MAGI2: variants seen among roughly 807,000 people sequenced by gnomAD.
MAGI2 encodes the protein membrane associated guanylate kinase, WW and PDZ domain containing 2.
In MAGI2, 35 loss-of-function variants were observed where a neutral mutation model predicts 133.3. The ratio of observed to expected loss-of-function variants is 0.26; its 90% CI spans 0.20 to 0.35. The LOEUF (loss-of-function observed/expected upper bound fraction) is 0.35. Ranked by LOEUF, MAGI2 falls within the 10% of genes least tolerant of loss-of-function variation. MAGI2 has a pLI of 1.00. For synonymous variants in MAGI2, 729 were observed against 710.6 expected (o/e 1.03, Z -0.41); for missense variants, 1,636 against 1,863.4 (o/e 0.88, Z 2.25).
intron 1 of MAGI2, among the ~76,000 whole-genome samples, chr7:79,279,317 C>A (rs1190870187): frequency 1.3e-5 from 2 of 152,128 alleles, no homozygotes; most frequent in African/African-American, 4.8e-5. Flanking sequence ...CCACTCCTTT[C>A]TGAAGGAACC....
chr7:79,389,835 G>C (rs930419811), intron 1 of MAGI2, among the ~76,000 whole-genome samples: 3 of 152,030 alleles, frequency 2.0e-5, no homozygotes, highest in African/African-American at 7.3e-5. Flanking sequence ...TGGGTTTCCT[G>C]AGTCTAGAGC....
intron 2 of MAGI2, among the ~76,000 whole-genome samples, chr7:78,638,094 A>G (rs927300703): frequency 1.3e-5 from 2 of 152,178 alleles, no homozygotes; most frequent in Admixed American, 6.5e-5. Context: ...GAAAAGAAAA[A>G]AAAAAGAAAG....
chr7:79,270,129 A>G (rs1834773905), intron 1 of MAGI2, among the ~76,000 whole-genome samples: 1 of 152,110 alleles, frequency 6.6e-6, no homozygotes, highest in Non-Finnish European at 1.5e-5. Context: ...GACTCAGCAT[A>G]TGAAAACCAT....
chr7:79,121,919 T>G (rs1819938137), intron 1 of MAGI2, among the ~76,000 whole-genome samples: 1 of 152,144 alleles, frequency 6.6e-6, no homozygotes, highest in African/African-American at 2.4e-5. Context: ...TTCATCAGTA[T>G]TTCACATTCG....
intron 21 of MAGI2, among the ~76,000 whole-genome samples, chr7:78,037,549 C>T (rs1264501326): frequency 1.3e-5 from 2 of 152,104 alleles, no homozygotes; most frequent in Non-Finnish European, 2.9e-5. Context: ...TATATAATGG[C>T]CGATTTCAAG....
chr7:78,731,730 T>A (rs534579640), intron 2 of MAGI2, among the ~76,000 whole-genome samples: 1 of 152,076 alleles, frequency 6.6e-6, no homozygotes, highest in African/African-American at 2.4e-5. Flanking sequence ...ATGAAATGAG[T>A]GGGGGACCAT....
At chr7:78,409,251 C>T (rs1041715332) in intron 6 of MAGI2, among the ~76,000 whole-genome samples, 26 of 152,152 alleles carry the variant, frequency 1.7e-4, no homozygotes, top group African/African-American at 6.3e-4. Context: ...AATCTCAACA[C>T]ACCGCATGAT....
intron 16 of MAGI2, among the ~76,000 whole-genome samples, chr7:78,147,612 A>G (rs1368471025): frequency 1.3e-5 from 2 of 152,200 alleles, no homozygotes; most frequent in Non-Finnish European, 2.9e-5. Context: ...CCATAATGAA[A>G]TGCCAATTAT....
intron 2 of MAGI2, among the ~76,000 whole-genome samples, chr7:78,826,179 T>C (rs1289856540): frequency 6.6e-6 from 1 of 151,624 alleles, no homozygotes; most frequent in Non-Finnish European, 1.5e-5. Flanking sequence ...GGTGAAACCC[T>C]GTCTCCACTA....
chr7:78,674,298 G>T (rs941852054), intron 2 of MAGI2, among the ~76,000 whole-genome samples: 7 of 151,456 alleles, frequency 4.6e-5, no homozygotes, highest in Admixed American at 4.6e-4. Flanking sequence ...TTTGGCACCA[G>T]GCAAACTGAT....
rs369114929 is a variant in MAGI2, at chr7:78,310,449, A to T, written c.1408+33329T>A. 2.0e-4 allele frequency among the ~76,000 whole-genome samples: 30 copies of T among 152,274 alleles called. 1 individual carries two copies. In the South Asian group the frequency reaches 5.8e-3, roughly 29 times the overall value. The stretch of plus-strand genomic sequence containing the variant: ...ACTCCAGCTCAAAAAAATAAAAATA[A>T]TTTTTAAAAAGTACATCAGCTCTGC... On this transcript the variant is annotated intron_variant, in intron 9 of 21. Coordinates refer to ENST00000354212, the MANE Select transcript of MAGI2 (RefSeq NM_012301.4).
intron 1 of MAGI2, among the ~76,000 whole-genome samples, chr7:79,180,682 C>T (rs182343709): frequency 7.9e-5 from 12 of 151,908 alleles, no homozygotes; most frequent in Non-Finnish European, 1.6e-4. Flanking sequence ...TCATGCCTTC[C>T]CAACAGTCCC....
chr7:79,385,733 C>T (rs926335521), intron 1 of MAGI2, among the ~76,000 whole-genome samples: 1 of 151,662 alleles, frequency 6.6e-6, no homozygotes, highest in African/African-American at 2.4e-5. Context: ...TACAAAAGAG[C>T]GAATATGTAG....
intron 3 of MAGI2, among the ~76,000 whole-genome samples, chr7:78,535,872 A>ACCCCCCCCCCCCCCCCC (rs148139487): frequency 1.7e-5 from 2 of 117,990 alleles, no homozygotes; most frequent in African/African-American, 3.0e-5. Context: ...TCTTGTGTAC[A>ACCCCCCCCCCCCCCCCC]CCCCCCCCGC....
intron 1 of MAGI2, among the ~76,000 whole-genome samples, chr7:79,244,475 C>T (rs1832674053): frequency 6.6e-6 from 1 of 152,148 alleles, no homozygotes; most frequent in Non-Finnish European, 1.5e-5. Context: ...GATTGTGGGA[C>T]TTTGCATTGG....
intron 21 of MAGI2, among the ~76,000 whole-genome samples, chr7:78,044,747 G>T (rs940883185): frequency 6.6e-6 from 1 of 151,994 alleles, no homozygotes; most frequent in African/African-American, 2.4e-5. Context: ...GAGATGGAAT[G>T]AGTGGCAAAG....
intron 9 of MAGI2, among the ~76,000 whole-genome samples, chr7:78,327,429 G>C (rs1318428245): frequency 6.6e-6 from 1 of 152,124 alleles, no homozygotes; most frequent in Admixed American, 6.5e-5. Context: ...CTTCTTACAG[G>C]CTACCCCAAT....
chr7:79,249,789 C>T (rs925120262), intron 1 of MAGI2, among the ~76,000 whole-genome samples: 2 of 152,134 alleles, frequency 1.3e-5, no homozygotes, highest in African/African-American at 4.8e-5. Flanking sequence ...TACTTCCAAA[C>T]TCATTCTATG....
intron 1 of MAGI2, among the ~76,000 whole-genome samples, chr7:79,422,632 TA>T (rs1170228425): frequency 6.6e-6 from 1 of 152,082 alleles, no homozygotes; most frequent in Non-Finnish European, 1.5e-5. Flanking sequence ...TATATATCAA[TA>T]AACTTGCATT....
Sources: gnomAD v4.1 joint callset for allele counts (sites outside exome capture counted in the v4.1 genomes callset) on GRCh38, gnomAD v4.1.1 for gene constraint, MANE v1.5 for transcripts, NCBI Gene and HGNC (gene_info 2026-07-23, HGNC 2026-07-21) for gene names.